The following GOLGA6L9 variants were observed in gnomAD, a reference collection of about 807,000 sequenced individuals.
GOLGA6L9 encodes the protein golgin A6 family like 9, also known as golgin subfamily A member 6-like protein 9.
GOLGA6L9 carries 19 observed loss-of-function variants against 51.3 expected under a neutral mutation model. The observed-to-expected ratio is 0.37, with a 90% CI of 0.26 to 0.54. The LOEUF (loss-of-function observed/expected upper bound fraction) is 0.54. GOLGA6L9 is among the 20% of genes least tolerant of loss of function. The pLI, the probability that GOLGA6L9 is intolerant of heterozygous loss-of-function variation, is 0.83. For synonymous variants in GOLGA6L9, 97 were observed against 184.2 expected (o/e 0.53, Z 3.83); for missense variants, 247 against 464.1 (o/e 0.53, Z 4.30).
the GOLGA6L9 span, among the ~76,000 whole-genome samples, chr15:82,424,382 G>A: frequency 6.6e-6 from 1 of 152,066 alleles, no homozygotes; most frequent in African/African-American, 2.4e-5. Context: ...TATTTAAGCT[G>A]ATTCTTTAAG....
rs2150834049 is a variant in GOLGA6L9, at chr15:82,438,283, G to A, written c.*1872G>A. On this transcript the variant is annotated 3_prime_UTR_variant, in exon 9 of 9. Transcript: ENST00000618348. The stretch of plus-strand genomic sequence containing the variant: ...AATCTGACAATAATGTGTTCATCAG[G>A]TACCTGTGGATTAAATCACATACTG... The A allele has an allele frequency of 6.7e-6, 1 of 149,740 alleles. No individual in the cohort carries two copies. The highest frequency in any genetic ancestry group is 1.9e-4 in the East Asian group (1 of 5,142). The allele number at this position is 149,740 out of a possible 1,614,324, so 9.3% of individuals were successfully genotyped here.
rs1453424606 is a variant in GOLGA6L9 at position 82,436,570 on chromosome 15, T to G, written c.*159T>G. ...TTTCTAATTTATAGTTTAAATTTATTTGTTTCTAATTTATAGTTTAAATTT... is the reference window on the plus strand; with the variant it reads ...TTTCTAATTTATAGTTTAAATTTATGTGTTTCTAATTTATAGTTTAAATTT... On this transcript the variant is annotated 3_prime_UTR_variant, in exon 9 of 9. Transcript: ENST00000618348. 8.2e-6 allele frequency: 6 copies of G among 727,840 alleles called. No homozygotes were observed. The Admixed American group carries it at 9.9e-5, about 12-fold the overall frequency. The allele number at this position is 727,840 out of a possible 1,614,324, so 45.1% of individuals were successfully genotyped here.
chr15:82,418,852 G>C, the GOLGA6L9 span: 8 of 152,228 alleles, frequency 5.3e-5, no homozygotes, highest in African/African-American at 1.7e-4. Flanking sequence ...GGGAGAGAAA[G>C]TTTCCATTGT....
the GOLGA6L9 span, among the ~76,000 whole-genome samples, chr15:82,416,470 G>T: frequency 5.9e-5 from 9 of 152,288 alleles, no homozygotes; most frequent in South Asian, 1.0e-3. Flanking sequence ...TGTGCTCACA[G>T]AGCCTAGAAG....
the GOLGA6L9 span, among the ~76,000 whole-genome samples, chr15:82,420,432 TTATGTGC>T: frequency 6.6e-6 from 1 of 151,978 alleles, no homozygotes; most frequent in Non-Finnish European, 1.5e-5. Context: ...TGATGAACTT[TTATGTGC>T]TAGGCACTAG....
intron 4 of GOLGA6L9, 91 bp from the exon 5 acceptor site, chr15:82,433,471 G>T: frequency 1.6e-6 from 1 of 635,256 alleles, no homozygotes; most frequent in South Asian, 1.9e-5. Context: ...TCACAAACTG[G>T]CAGAAGGGGG....
chr15:82,419,478 C>G, the GOLGA6L9 span: 2 of 152,310 alleles, frequency 1.3e-5, no homozygotes, highest in African/African-American at 4.9e-5. Flanking sequence ...GAAACCCCGT[C>G]TCTACTAAAA....
chr15:82,435,458 AT>A (rs1443984178), intron 7 of GOLGA6L9: 1 of 204,994 alleles, frequency 4.9e-6, no homozygotes, highest in Non-Finnish European at 8.6e-6. Context: ...GTGAGCTGAG[AT>A]TGCACCACTG....
rs1308867019 is a variant in GOLGA6L9 at position 82,436,501 on chromosome 15, C to T, written c.*90C>T. 1.5e-5 allele frequency: 22 copies of T among 1,514,568 alleles called. No individual in the cohort carries two copies. In the Admixed American group the frequency reaches 3.6e-4, roughly 25 times the overall value. The allele number at this position is 1,514,568 out of a possible 1,614,324, so 93.8% of individuals were successfully genotyped here. A position where few individuals can be genotyped will look rare whatever the true frequency, so the allele number is the denominator to read the frequency against. ...ATTTACTTCATTTGAATGTTAGAGC[C>T]ACTTATGTTTGTGTTTCTAATTTAT... On this transcript the variant is annotated 3_prime_UTR_variant, in exon 9 of 9. Coordinates refer to ENST00000618348, the MANE Select transcript of GOLGA6L9 (RefSeq NM_198181.4).
rs1389607900 is a variant in GOLGA6L9 at position 82,434,492 on chromosome 15, G to C, written c.892G>C (p.Glu298Gln). The C allele has an allele frequency of 3.2e-6, 5 of 1,573,058 alleles. No individual in the cohort carries two copies. The African/African-American group carries it at 6.7e-5, about 21-fold the overall frequency. ...ACAGGATGAGAGGCTGTGGCAGCAG[G>C]AGACTCTGCGGGAGCTGGAGAGGCT... Reference protein sequence around the residue: ...RQQDERLWQQETLRELERLRE... With the variant: ...RQQDERLWQQQTLRELERLRE... Residue 298 changes from glutamate (E) to glutamine (Q), a missense_variant, in exon 6 of 9, where the codon GAG (glutamate) becomes CAG (glutamine). Physicochemically the swap from Glu to Gln is conservative, Grantham distance 29 (BLOSUM62 2). Coordinates refer to ENST00000618348, the MANE Select transcript of GOLGA6L9 (RefSeq NM_198181.4).
At chr15:82,420,882 A>G in the GOLGA6L9 span, among the ~76,000 whole-genome samples, 1 of 147,856 alleles carries the variant, frequency 6.8e-6, no homozygotes, top group Non-Finnish European at 1.5e-5. Flanking sequence ...GTTTTGTTTA[A>G]AGGCAATATG....
the GOLGA6L9 span, chr15:82,420,124 A>G: frequency 1.6e-5 from 4 of 249,568 alleles, no homozygotes; most frequent in Admixed American, 4.3e-5. Flanking sequence ...ATTTTATGCT[A>G]CTTTGTGAGC....
the GOLGA6L9 span, among the ~76,000 whole-genome samples, chr15:82,421,803 CAAAAAA>C: frequency 3.4e-4 from 1 of 2,954 alleles, no homozygotes; most frequent in Admixed American, 6.7e-3. Context: ...CCAACACCAC[CAAAAAA>C]AAAAAAAAAA....
At chr15:82,417,237 CTGTATA>C in the GOLGA6L9 span, among the ~76,000 whole-genome samples, 5 of 152,116 alleles carry the variant, frequency 3.3e-5, no homozygotes, top group Admixed American at 1.3e-4. Context: ...ATTACTGTGT[CTGTATA>C]TGTGGCATAT....
intron 7 of GOLGA6L9, 98 bp downstream of exon 7, chr15:82,435,027 GCAGCCTGGGGA>G (rs2031615978): frequency 1.3e-6 from 1 of 784,748 alleles, no homozygotes; most frequent in African/African-American, 2.1e-5. Flanking sequence ...ACAGGCAGCT[GCAGCCTGGGGA>G]CAGGTGACCC....
At chr15:82,420,237 GAAAATT>G in the GOLGA6L9 span, among the ~76,000 whole-genome samples, 38 of 152,314 alleles carry the variant, frequency 2.5e-4, no homozygotes, top group African/African-American at 9.1e-4. Flanking sequence ...AGAAGTATAA[GAAAATT>G]AAAGTTACTA....
the GOLGA6L9 span, among the ~76,000 whole-genome samples, chr15:82,418,359 G>A: frequency 6.6e-6 from 1 of 152,150 alleles, no homozygotes; most frequent in Non-Finnish European, 1.5e-5. Flanking sequence ...CAAGGGAAAG[G>A]TGTGGGCAGA....
At chr15:82,417,991 C>T in the GOLGA6L9 span, among the ~76,000 whole-genome samples, 20 of 152,248 alleles carry the variant, frequency 1.3e-4, no homozygotes, top group South Asian at 4.2e-4. Flanking sequence ...TTTAATTTTT[C>T]GGAGAGTTTT....
At chr15:82,429,264 A>G (rs1156775909), upstream of GOLGA6L9, among the ~76,000 whole-genome samples, 1 of 151,936 alleles carries the variant, frequency 6.6e-6, no homozygotes, top group Non-Finnish European at 1.5e-5. Context: ...TAGTAGAGAC[A>G]GGGTTTCTTC....
Sources: allele counts gnomAD v4.1 joint callset (sites outside exome capture counted in the v4.1 genomes callset), GRCh38; gene constraint gnomAD v4.1.1; transcripts MANE v1.5; gene names NCBI Gene and HGNC (gene_info 2026-07-23, HGNC 2026-07-21).